EFCAB8: variants seen among roughly 807,000 people sequenced by gnomAD.
EFCAB8 encodes the protein EF-hand calcium binding domain 8, also known as EF-hand calcium-binding domain-containing protein 8.
In EFCAB8, 100 loss-of-function variants were observed where a neutral mutation model predicts 116.3. The observed-to-expected ratio is 0.86, with a 90% CI of 0.73 to 1.02. The LOEUF (loss-of-function observed/expected upper bound fraction) is 1.02, where lower values mean the gene tolerates loss of function less well. Ranked by LOEUF, EFCAB8 falls within the 50% of genes least tolerant of loss-of-function variation. The pLI, the probability that EFCAB8 is intolerant of heterozygous loss-of-function variation, is 0.00. For synonymous variants in EFCAB8, 558 were observed against 567.9 expected, an observed-to-expected ratio of 0.98 and a Z score of 0.25; for missense variants, 1,320 against 1,416.9, an observed-to-expected ratio of 0.93 and a Z score of 1.10.
In EFCAB8 at chr20:32,906,318, C is replaced by G. The variant is rs1285453403; in HGVS notation, c.1089-244C>G. Among the ~76,000 whole-genome samples, 4 of 152,108 alleles carry G rather than the reference C, an allele frequency of 2.6e-5. No individual in the cohort carries two copies. In the East Asian group the frequency reaches 7.7e-4, roughly 29 times the overall value. On this transcript the variant is annotated intron_variant, in intron 11 of 26. Transcript: ENST00000400522. ...TGGAAGGTGGCATCTGGCCTGTGGG[C>G]TGTTGGTTTGGGGCCAGGACTGGGC...
chr20:32,901,434 T>G (rs1986420538), intron 11 of EFCAB8, among the ~76,000 whole-genome samples: 1 of 152,246 alleles, frequency 6.6e-6, no homozygotes, highest in Non-Finnish European at 1.5e-5. Context: ...GGCTGTGAGT[T>G]GGACAAGCTT....
chr20:32,875,494 A>G (rs1984914790), intron 3 of EFCAB8, among the ~76,000 whole-genome samples: 1 of 89,942 alleles, frequency 1.1e-5, no homozygotes, highest in Non-Finnish European at 3.0e-5. Flanking sequence ...CACCTGGTAA[A>G]CATGGTGGTT....
chr20:32,931,406 C>G, intron 22 of EFCAB8, 70 bp downstream of exon 22: 1 of 1,427,874 alleles, frequency 7.0e-7, no homozygotes, highest in African/African-American at 1.4e-5. Context: ...GGACCATAAA[C>G]TAACTCATAC....
At chr20:32,935,568 G>A (rs577291390) in intron 22 of EFCAB8, among the ~76,000 whole-genome samples, 12 of 150,148 alleles carry the variant, frequency 8.0e-5, no homozygotes, top group Admixed American at 6.6e-4. Context: ...GTGCAATGGC[G>A]CAATTGCAGC....
intron 6 of EFCAB8, among the ~76,000 whole-genome samples, chr20:32,886,092 A>C (rs971521285): frequency 6.6e-6 from 1 of 152,182 alleles, no homozygotes; most frequent in East Asian, 1.9e-4. Flanking sequence ...CTGGAGCCCA[A>C]ATCCCAGGGT....
intron 22 of EFCAB8, among the ~76,000 whole-genome samples, chr20:32,940,231 A>C (rs1468845996): frequency 6.7e-6 from 1 of 149,362 alleles, no homozygotes; most frequent in African/African-American, 2.5e-5. Context: ...AAGACATGTA[A>C]ATCAATGGAA....
intron 3 of EFCAB8, among the ~76,000 whole-genome samples, chr20:32,875,516 T>TTTTTTTTTTTTTTTTTTTTG (rs1984923906): frequency 7.0e-6 from 1 of 143,830 alleles, no homozygotes; most frequent in Non-Finnish European, 1.6e-5. Flanking sequence ...TTTTTTTTTT[T>TTTTTTTTTTTTTTTTTTTTG]TTTTGAGACA....
Position 32,930,512 on chromosome 20 carries a change from A to G in EFCAB8, c.2527A>G (p.Lys843Glu), listed in dbSNP as rs922342240. The G allele has an allele frequency of 6.4e-7, 1 of 1,552,098 alleles. No homozygotes were observed. The highest frequency in any genetic ancestry group is 1.4e-5 in the African/African-American group (1 of 73,036). Residue 843 changes from lysine (K) to glutamate (E), a missense_variant, in exon 21 of 27, where the codon AAG (lysine) becomes GAG (glutamate). Lys to Glu is a moderately conservative substitution (Grantham distance 56). Coordinates refer to ENST00000400522, the MANE Select transcript of EFCAB8 (RefSeq NM_001143967.2). ...SLHENGGLLG[K>E]FPVDLDNGDV... Reference sequence around the variant, plus strand: ...CCATGAGAATGGAGGCCTGCTGGGGAAGTTCCCTGTGGACCTAGACAATGG... The same window carrying G: ...CCATGAGAATGGAGGCCTGCTGGGGGAGTTCCCTGTGGACCTAGACAATGG...
intron 20 of EFCAB8, among the ~76,000 whole-genome samples, chr20:32,921,175 C>G (rs1429553122): frequency 7.0e-6 from 1 of 143,616 alleles, no homozygotes; most frequent in Non-Finnish European, 1.5e-5. Flanking sequence ...GCACACTCTC[C>G]TCCAGGTTCT....
chr20:32,909,737 T>A, intron 14 of EFCAB8, 84 bp from the exon 15 acceptor site: 2 of 625,824 alleles, frequency 3.2e-6, no homozygotes, highest in Non-Finnish European at 4.8e-6. Context: ...TGTCGTGATT[T>A]ATTGGAAGTT....
At chr20:32,952,306 T>C (rs1029723700) in intron 23 of EFCAB8, among the ~76,000 whole-genome samples, 1 of 152,170 alleles carries the variant, frequency 6.6e-6, no homozygotes, top group Non-Finnish European at 1.5e-5. Flanking sequence ...ATTTTGGCAT[T>C]GTATGCAAGA....
In EFCAB8 at chr20:32,883,835, C is replaced by T. The variant is rs556588938; in HGVS notation, c.432-1670C>T. Reference sequence around the variant, plus strand: ...CCTCCTGAGTAGCTGGGACTACAGGCGTGTGCTACCACACCTGGCTAATTT... The same window carrying T: ...CCTCCTGAGTAGCTGGGACTACAGGTGTGTGCTACCACACCTGGCTAATTT... On this transcript the variant is annotated intron_variant, in intron 5 of 26. Coordinates refer to ENST00000400522, the MANE Select transcript of EFCAB8 (RefSeq NM_001143967.2). 5.9e-5 allele frequency among the ~76,000 whole-genome samples: 9 copies of T among 152,190 alleles called. No homozygotes were observed. In the South Asian group the frequency reaches 1.0e-3, roughly 18 times the overall value.
intron 17 of EFCAB8, among the ~76,000 whole-genome samples, chr20:32,914,292 A>G (rs1987081062): frequency 6.6e-6 from 1 of 152,066 alleles, no homozygotes; most frequent in Admixed American, 6.5e-5. Context: ...CCTTGAAACC[A>G]TTCTGCCCCC....
In EFCAB8 at chr20:32,893,295, T is replaced by C. The variant is rs1406192349; in HGVS notation, c.880T>C (p.Trp294Arg). 1.0e-5 allele frequency: 16 copies of C among 1,551,344 alleles called. No homozygotes were observed. Among genetic ancestry groups the C allele is most frequent in the Non-Finnish European group, 4.4e-6 (5 of 1,146,906 alleles). ...NPRILPRASK[W>R]DHWIKVSLQK... ...CCGTATCCTCCCCAGGGCCTCCAAG[T>C]GGGGTAGCTAAGATGCTGGGGAAGG... Residue 294 changes from tryptophan (W) to arginine (R), a missense_variant, in exon 9 of 27, where the codon TGG (tryptophan) becomes CGG (arginine). Trp to Arg is a moderately radical substitution (Grantham distance 101, BLOSUM62 -3). Transcript: ENST00000400522.
chr20:32,870,921 C>G (rs140072319), intron 3 of EFCAB8, among the ~76,000 whole-genome samples: 10 of 150,510 alleles, frequency 6.6e-5, no homozygotes, highest in Non-Finnish European at 1.0e-4. Context: ...TGCAGTGGTG[C>G]GATCTCGGCT....
rs768794030 is a variant in EFCAB8 at position 32,877,623 on chromosome 20, G to A, written c.328-1081G>A. Among the ~76,000 whole-genome samples the A allele has an allele frequency of 1.7e-3, 256 of 152,332 alleles. 8 individuals are homozygous for A. Among genetic ancestry groups the A allele is most frequent in the Non-Finnish European group, 6.2e-4 (42 of 68,032 alleles). On this transcript the variant is annotated intron_variant, in intron 4 of 26. Coordinates refer to ENST00000400522, the MANE Select transcript of EFCAB8 (RefSeq NM_001143967.2). Reference sequence around the variant, plus strand: ...CCCTCGCATTCCTAGCATTCTCAGGGCTTTACCCAGTGGTCCTTGTTTACA... The same window carrying A: ...CCCTCGCATTCCTAGCATTCTCAGGACTTTACCCAGTGGTCCTTGTTTACA...
At chr20:32,911,322 G>A (rs1986907248) in intron 15 of EFCAB8, among the ~76,000 whole-genome samples, 158 bp from the exon 16 acceptor site, 2 of 152,172 alleles carry the variant, frequency 1.3e-5, no homozygotes, top group South Asian at 4.1e-4. Context: ...CAGGGCAGAG[G>A]AGGTCCTGTT....
chr20:32,908,236 G>T, intron 13 of EFCAB8, 39 bp from the exon 14 acceptor site: 2 of 1,248,906 alleles, frequency 1.6e-6, no homozygotes, highest in South Asian at 8.2e-5. Flanking sequence ...ACATCCCCGA[G>T]ACCCATGCTC....
chr20:32,906,380 T>C (rs1255424231), intron 11 of EFCAB8, among the ~76,000 whole-genome samples, 182 bp from the exon 12 acceptor site: 3 of 152,088 alleles, frequency 2.0e-5, no homozygotes, highest in Non-Finnish European at 2.9e-5. Flanking sequence ...CTGACTTGGC[T>C]GCAGGGTGAA....
Sources: gnomAD v4.1 joint callset for allele counts (sites outside exome capture counted in the v4.1 genomes callset) on GRCh38, gnomAD v4.1.1 for gene constraint, MANE v1.5 for transcripts, NCBI Gene and HGNC (gene_info 2026-07-23, HGNC 2026-07-21) for gene names.